MYCBP2: variants seen among roughly 807,000 people sequenced by gnomAD.
MYCBP2 encodes the protein MYC binding protein 2.
A neutral mutation model predicts 525.3 loss-of-function variants in MYCBP2; 120 were observed. The ratio of observed to expected loss-of-function variants is 0.23; its 90% CI spans 0.20 to 0.27. The LOEUF (loss-of-function observed/expected upper bound fraction) is 0.27, where lower values mean the gene tolerates loss of function less well. MYCBP2 is among the 10% of genes least tolerant of loss of function. The pLI is 1.00. For missense variants in MYCBP2, 4,149 were observed against 5,657.1 expected (o/e 0.73, Z 8.55); for synonymous variants, 1,894 against 1,955.8 (o/e 0.97, Z 0.83).
At position 77,081,404 on chromosome 13, in the gene MYCBP2, G is replaced by A. The variant is rs779959842; in HGVS notation, c.11418+23C>T. ...AAGATCTGAAAAGAGCTAAAGAGCC[G>A]TAAATCACGTTTGCTTTCTTACCCC... On this transcript the variant is annotated intron_variant, in intron 65 of 82. Transcript: ENST00000544440. This position sits in a 1 kb window ranked among gnomAD's most constrained non-coding sequence, Gnocchi z 4.6. 5.0e-5 allele frequency: 79 copies of A among 1,595,428 alleles called. No individual in the cohort carries two copies. Among genetic ancestry groups the A allele is most frequent in the Non-Finnish European group, 5.6e-5 (65 of 1,166,240 alleles).
At chr13:77,110,257 G>T (rs1389942954) in intron 55 of MYCBP2, among the ~76,000 whole-genome samples, 3 of 152,066 alleles carry the variant, frequency 2.0e-5, no homozygotes, top group Admixed American at 6.6e-5. Flanking sequence ...TTGCATTCCT[G>T]GGGGGAGGTC....
chr13:77,127,300 A>G (rs1293885335), intron 52 of MYCBP2, among the ~76,000 whole-genome samples: 1 of 151,972 alleles, frequency 6.6e-6, no homozygotes, highest in East Asian at 1.9e-4. Context: ...TATTGAAAAG[A>G]GTCACTTCTA....
chr13:77,185,487 T>C (rs2060635607), intron 31 of MYCBP2, 110 bp from the exon 32 acceptor site: 3 of 1,155,054 alleles, frequency 2.6e-6, no homozygotes, highest in Non-Finnish European at 3.6e-6. Flanking sequence ...CAAGTACTAA[T>C]ATCTTAGAAA....
At chr13:77,070,002 A>T (rs533361061) in intron 69 of MYCBP2, among the ~76,000 whole-genome samples, 179 of 152,334 alleles carry the variant, frequency 1.2e-3, no homozygotes, top group Non-Finnish European at 2.3e-3. Context: ...GGTTATATTT[A>T]AAAATATTAA....
chr13:77,145,622 G>A (rs2080867259), intron 48 of MYCBP2, among the ~76,000 whole-genome samples: 1 of 151,864 alleles, frequency 6.6e-6, no homozygotes, highest in Admixed American at 6.6e-5. Flanking sequence ...TTCTATGGAG[G>A]TGATCTCTCC....
intron 47 of MYCBP2, among the ~76,000 whole-genome samples, chr13:77,147,859 GT>G (rs2055854632): frequency 6.6e-6 from 1 of 152,034 alleles, no homozygotes; most frequent in African/African-American, 2.4e-5. Context: ...TCTGTGAATG[GT>G]TGATAAGGAA....
intron 68 of MYCBP2, among the ~76,000 whole-genome samples, chr13:77,071,537 G>A (rs555950182): frequency 6.6e-6 from 1 of 152,040 alleles, no homozygotes; most frequent in Non-Finnish European, 1.5e-5. Context: ...GAGTCCATTA[G>A]AATGTTGAGA....
chr13:77,073,064 C>A (rs1310313376), intron 68 of MYCBP2, among the ~76,000 whole-genome samples: 2 of 152,056 alleles, frequency 1.3e-5, no homozygotes, highest in East Asian at 1.9e-4. Flanking sequence ...TTAGTACATT[C>A]AGATATGTGC....
At chr13:77,203,215 A>G (rs2154271122) in intron 26 of MYCBP2, among the ~76,000 whole-genome samples, 1 of 152,346 alleles carries the variant, frequency 6.6e-6, no homozygotes, top group South Asian at 2.1e-4. Flanking sequence ...TACAAAATCA[A>G]TGTACAAAAA....
chr13:77,095,704 T>C lies in MYCBP2; in HGVS notation c.9955-102A>G, dbSNP rs2046134453. 8.3e-6 allele frequency: 11 copies of C among 1,322,016 alleles called. No individual in the cohort carries two copies. In the South Asian group the frequency reaches 8.8e-5, roughly 11 times the overall value. 81.9% of individuals were successfully genotyped at this position (1,322,016 alleles called of 1,614,324 possible). On this transcript the variant is annotated intron_variant, in intron 57 of 82. Coordinates refer to ENST00000544440, the MANE Select transcript of MYCBP2 (RefSeq NM_015057.5). ...GTTTCCAATAAAAATTATTAAACACTTGTAAAGCTATTTTAAGATAATAAG... is the reference window on the plus strand; with the variant it reads ...GTTTCCAATAAAAATTATTAAACACCTGTAAAGCTATTTTAAGATAATAAG...
intron 82 of MYCBP2, among the ~76,000 whole-genome samples, chr13:77,045,917 A>G (rs564778983): frequency 1.9e-4 from 29 of 152,304 alleles, no homozygotes; most frequent in African/African-American, 6.7e-4. Flanking sequence ...ATAAGTAAAA[A>G]CATTTAAGTT....
chr13:77,106,985 A>G (rs2047954780), intron 55 of MYCBP2, among the ~76,000 whole-genome samples: 2 of 152,174 alleles, frequency 1.3e-5, no homozygotes, highest in South Asian at 4.1e-4. Context: ...ATAGCACTGT[A>G]TTCTGTTCAT....
intron 5 of MYCBP2, among the ~76,000 whole-genome samples, chr13:77,272,806 C>T (rs2075064980): frequency 6.6e-6 from 1 of 152,196 alleles, no homozygotes; most frequent in African/African-American, 2.4e-5. Context: ...AGGATTGAGG[C>T]ATCCCTTCCA....
At chr13:77,069,776 G>A (rs1594208858) in intron 69 of MYCBP2, among the ~76,000 whole-genome samples, 1 of 151,808 alleles carries the variant, frequency 6.6e-6, no homozygotes, top group Non-Finnish European at 1.5e-5. Flanking sequence ...GCTGAGGCAG[G>A]AGAATGGTGT....
At chr13:77,228,506 CA>C (rs60998294) in intron 18 of MYCBP2, among the ~76,000 whole-genome samples, 2,407 of 95,350 alleles carry the variant, frequency 0.025, 37 homozygotes, top group African/African-American at 0.064. Context: ...GACCCTGTCT[CA>C]AAAAAAAAAA....
intron 1 of MYCBP2, among the ~76,000 whole-genome samples, chr13:77,306,993 A>C (rs963306287): frequency 1.3e-5 from 2 of 152,220 alleles, no homozygotes; most frequent in African/African-American, 4.8e-5. Context: ...AAATCAAACT[A>C]GACATGAAAA....
chr13:77,307,377 G>A (rs1458452039), intron 1 of MYCBP2, among the ~76,000 whole-genome samples: 2 of 151,710 alleles, frequency 1.3e-5, no homozygotes, highest in African/African-American at 4.8e-5. Context: ...AAAAGTTTAA[G>A]TAATCCTCTA....
Position 77,045,014 on chromosome 13 carries a change from T to C in MYCBP2, c.*364A>G, listed in dbSNP as rs998916857. Reference sequence around the variant, plus strand: ...CAAAAAGGCAGTATACAATAAACAATGATTATTTTTCTTTTTTGCTTGAAA... The same window carrying C: ...CAAAAAGGCAGTATACAATAAACAACGATTATTTTTCTTTTTTGCTTGAAA... On this transcript the variant is annotated 3_prime_UTR_variant, in exon 83 of 83. Transcript: ENST00000544440. 2.0e-4 allele frequency: 81 copies of C among 404,382 alleles called. No homozygotes were observed. The highest frequency in any genetic ancestry group is 1.2e-4 in the South Asian group (1 of 8,472). The allele number at this position is 404,382 out of a possible 1,614,324, so 25.0% of individuals were successfully genotyped here. A position where few individuals can be genotyped will look rare whatever the true frequency, so the allele number is the denominator to read the frequency against.
At chr13:77,141,109 T>C (rs1245828662) in intron 49 of MYCBP2, among the ~76,000 whole-genome samples, 166 bp from the exon 50 acceptor site, 2 of 152,162 alleles carry the variant, frequency 1.3e-5, no homozygotes, top group Non-Finnish European at 2.9e-5. Context: ...AAGAGAAATA[T>C]TTTAAAAATG....
Sources: allele counts gnomAD v4.1 joint callset (sites outside exome capture counted in the v4.1 genomes callset), GRCh38; gene constraint gnomAD v4.1.1; non-coding constraint Gnocchi (gnomAD v3.1); transcripts MANE v1.5; gene names NCBI Gene and HGNC (gene_info 2026-07-23, HGNC 2026-07-21).